LAX1: variants seen among roughly 807,000 people sequenced by gnomAD.
The protein encoded by LAX1 is lymphocyte transmembrane adaptor 1.
In LAX1, 17 loss-of-function variants were observed where a neutral mutation model predicts 20.7. That is an observed-to-expected ratio of 0.82 (90% CI 0.56 to 1.23). The LOEUF (loss-of-function observed/expected upper bound fraction) is 1.23. Among genes scored for constraint, LAX1 ranks in the 50% most tolerant of loss-of-function variants. The pLI is 0.00. For missense variants in LAX1, 470 were observed against 487.0 expected (o/e 0.97, Z 0.33); for synonymous variants, 165 against 181.0 (o/e 0.91, Z 0.71).
rs1201489773 is a variant in LAX1, at chr1:203,775,710, T to A, written c.*1029T>A. 6.6e-6 allele frequency: 1 copy of A among 152,234 alleles called. No individual in the cohort carries two copies. The highest frequency in any genetic ancestry group is 1.5e-5 in the Non-Finnish European group (1 of 68,044). The allele number at this position is 152,234 out of a possible 1,614,324, so 9.4% of individuals were successfully genotyped here. A position where few individuals can be genotyped will look rare whatever the true frequency, so the allele number is the denominator to read the frequency against. On this transcript the variant is annotated 3_prime_UTR_variant, in exon 5 of 5. Coordinates refer to ENST00000442561, the MANE Select transcript of LAX1 (RefSeq NM_017773.4). ...CAGGTGATTGGATAAGCTGTTGATA[T>A]CCATTCCTTGAGTTTATCCATACTC...
intron 1 of LAX1, among the ~76,000 whole-genome samples, chr1:203,770,495 AAGGAAGGAAGG>A (rs1571805297): frequency 2.2e-4 from 18 of 81,654 alleles, no homozygotes; most frequent in Admixed American, 9.2e-4. Flanking sequence ...GGAAGGAAGG[AAGGAAGGAAGG>A]AAGGAAGAAA....
intron 4 of LAX1, among the ~76,000 whole-genome samples, chr1:203,773,000 GACA>G (rs1667447297): frequency 1.3e-5 from 2 of 152,188 alleles, no homozygotes. Context: ...ACAAAGACAT[GACA>G]ACATGTTTAT....
At chr1:203,767,593 C>A (rs370517203) in intron 1 of LAX1, among the ~76,000 whole-genome samples, 16 of 152,240 alleles carry the variant, frequency 1.1e-4, no homozygotes, top group African/African-American at 3.6e-4. Context: ...CAGACATGAG[C>A]CACCATGCCC....
Position 203,772,087 on chromosome 1 carries a change from T to C in LAX1, c.330T>C (p.Ser110=), listed in dbSNP as rs762148585. The change falls in exon 4 of 5, where the codon AGT becomes AGC. Residue 110 remains serine, a synonymous_variant. Coordinates refer to ENST00000442561, the MANE Select transcript of LAX1 (RefSeq NM_017773.4). ...QEDLGRHESR[S]MRIFSTESLL... ...TTTCAGGGAGACATGAGTCGAGGAG[T>C]ATGCGCATTTTCAGTACTGAGAGCC... 1.8e-5 allele frequency: 29 copies of C among 1,613,614 alleles called. No homozygotes were observed. The highest frequency in any genetic ancestry group is 2.4e-5 in the Non-Finnish European group (28 of 1,179,808).
At chr1:203,770,489 GGA>G in intron 1 of LAX1, among the ~76,000 whole-genome samples, 1 of 73,892 alleles carries the variant, frequency 1.4e-5, no homozygotes, top group East Asian at 1.4e-3. Context: ...AAGGAAGGAA[GGA>G]AGGAAGGAAG....
At chr1:203,772,983 T>G (rs954263860) in intron 4 of LAX1, among the ~76,000 whole-genome samples, 7 of 152,212 alleles carry the variant, frequency 4.6e-5, no homozygotes, top group African/African-American at 1.7e-4. Flanking sequence ...GCCAATTGAT[T>G]GTTTTAACAA....
intron 3 of LAX1, 148 bp from the exon 4 acceptor site, chr1:203,771,920 T>C: frequency 1.5e-6 from 1 of 666,030 alleles, no homozygotes; most frequent in Non-Finnish European, 2.7e-6. Context: ...TCCCCATAAC[T>C]CTGACCTCAG....
Position 203,765,235 on chromosome 1 carries a change from G to T in LAX1, c.-331G>T. ...GAGCTTCTCACGGAGCCTCTCTTGA[G>T]CCTCTTGGCAGTTTCCCCCTCTGTG... On this transcript the variant is annotated 5_prime_UTR_variant, in exon 1 of 5. Transcript: ENST00000442561. 1 of 976,292 alleles carries T rather than the reference G, an allele frequency of 1.0e-6. No homozygotes were observed. The highest frequency in any genetic ancestry group is 1.6e-6 in the Non-Finnish European group (1 of 632,154). 60.5% of individuals were successfully genotyped at this position (976,292 alleles called of 1,614,324 possible).
intron 1 of LAX1, among the ~76,000 whole-genome samples, chr1:203,768,238 G>A (rs1667337206): frequency 6.6e-6 from 1 of 152,182 alleles, no homozygotes; most frequent in African/African-American, 2.4e-5. Context: ...TTGGACCCAG[G>A]AGGGGGAGGT....
In LAX1 at chr1:203,774,572, A is replaced by C; in HGVS notation, c.1088A>C (p.Glu363Ala). 6.2e-7 allele frequency: 1 copy of C among 1,614,172 alleles called. No individual in the cohort carries two copies. Among genetic ancestry groups the C allele is most frequent in the Non-Finnish European group, 8.5e-7 (1 of 1,180,020 alleles). Residue 363 changes from glutamate (E) to alanine (A), a missense_variant, in exon 5 of 5, where the codon GAA becomes GCA. Glu to Ala is a moderately radical substitution (Grantham distance 107). Transcript: ENST00000442561. The stretch of plus-strand genomic sequence containing the variant: ...GAGGACAGTCAGATGAAACATAGAG[A>C]AGAGATGTCAAATGAGGACTCCAGT... ...QSEDSQMKHR[E>A]EMSNEDSSDY...
intron 1 of LAX1, among the ~76,000 whole-genome samples, chr1:203,767,246 C>T (rs770137706): frequency 6.6e-6 from 1 of 150,706 alleles, no homozygotes; most frequent in Non-Finnish European, 1.5e-5. Flanking sequence ...TATTTTGTAC[C>T]CTTTGACCAA....
rs1667468766 is a variant in LAX1 at position 203,774,078 on chromosome 1, A to G, written c.594A>G (p.Thr198=). 2 of 1,614,198 alleles carry G rather than the reference A, an allele frequency of 1.2e-6. No homozygotes were observed. Among genetic ancestry groups the G allele is most frequent in the Non-Finnish European group, 1.7e-6 (2 of 1,180,036 alleles). ...CGCATGATTATGTCAATGTCCCCAC[A>G]GCAGAAGAGATTGCTGAGACTCTAG... ...EDSHDYVNVP[T]AEEIAETLAS... Residue 198 remains threonine (T), a synonymous_variant, in exon 5 of 5, where the codon ACA becomes ACG. Transcript: ENST00000442561.
At chr1:203,771,572 C>T (rs1324588636) in intron 3 of LAX1, 95 bp downstream of exon 3, 2 of 814,948 alleles carry the variant, frequency 2.5e-6, no homozygotes, top group Non-Finnish European at 4.4e-6. Context: ...TCTTTAAGTT[C>T]TCAAACCTGT....
At chr1:203,771,035 CT>C in intron 2 of LAX1, 98 bp downstream of exon 2, 1 of 982,450 alleles carries the variant, frequency 1.0e-6, no homozygotes, top group South Asian at 1.3e-5. Flanking sequence ...AACTATTGGC[CT>C]GGGGAGTCCT....
At chr1:203,771,568 AGTTCTC>A in intron 3 of LAX1, 91 bp downstream of exon 3, 1 of 837,634 alleles carries the variant, frequency 1.2e-6, no homozygotes, top group African/African-American at 1.7e-5. Flanking sequence ...ATTTTCTTTA[AGTTCTC>A]AAACCTGTTT....
At chr1:203,770,483 A>AG (rs1667392995) in intron 1 of LAX1, among the ~76,000 whole-genome samples, 2 of 68,482 alleles carry the variant, frequency 2.9e-5, no homozygotes, top group Admixed American at 2.2e-4. Flanking sequence ...GGAAGGAAGG[A>AG]AGGAAGGAAG....
Position 203,765,258 on chromosome 1 carries a change from G to T in LAX1, c.-308G>T. ...GAGCCTCTTGGCAGTTTCCCCCTCT[G>T]TGCCCCTCACGTTTCCACCAGAAAC... On this transcript the variant is annotated 5_prime_UTR_variant, in exon 1 of 5. Coordinates refer to ENST00000442561, the MANE Select transcript of LAX1 (RefSeq NM_017773.4). 4.0e-6 allele frequency: 5 copies of T among 1,251,928 alleles called. No individual in the cohort carries two copies. Among genetic ancestry groups the T allele is most frequent in the Non-Finnish European group, 5.7e-6 (5 of 875,892 alleles). The allele number at this position is 1,251,928 out of a possible 1,614,324, so 77.6% of individuals were successfully genotyped here.
At chr1:203,767,239 TTTG>T (rs1187515255) in intron 1 of LAX1, among the ~76,000 whole-genome samples, 2 of 151,034 alleles carry the variant, frequency 1.3e-5, no homozygotes, top group Non-Finnish European at 2.9e-5. Context: ...TAACTGATAT[TTTG>T]TACCCTTTGA....
chr1:203,769,137 C>G (rs992653761), intron 1 of LAX1, among the ~76,000 whole-genome samples: 3 of 151,876 alleles, frequency 2.0e-5, no homozygotes, highest in Non-Finnish European at 2.9e-5. Context: ...ACCTGTAATC[C>G]CAGCACTTTG....
Sources: allele counts gnomAD v4.1 joint callset (sites outside exome capture counted in the v4.1 genomes callset), GRCh38; gene constraint gnomAD v4.1.1; transcripts MANE v1.5; gene names NCBI Gene and HGNC (gene_info 2026-07-23, HGNC 2026-07-21).